The following KATNIP variants were observed in gnomAD, a reference collection of about 807,000 sequenced individuals.
KATNIP encodes the protein katanin interacting protein.
KATNIP carries 126 observed loss-of-function variants against 174.0 expected under a neutral mutation model. That is an observed-to-expected ratio of 0.72 (90% CI 0.63 to 0.84). KATNIP has a LOEUF of 0.84. Among genes scored for constraint, KATNIP ranks in the 40% least tolerant of loss-of-function variants. KATNIP has a pLI of 0.00. For missense variants in KATNIP, 1,958 were observed against 2,109.7 expected, an observed-to-expected ratio of 0.93 and a Z score of 1.41; for synonymous variants, 810 against 835.7, an observed-to-expected ratio of 0.97 and a Z score of 0.53.
rs189033239 is a variant in KATNIP at position 27,646,708 on chromosome 16, A to C, written c.409-1896A>C. 9.5e-4 allele frequency among the ~76,000 whole-genome samples: 144 copies of C among 152,356 alleles called. 1 individual carries two copies. Among genetic ancestry groups the C allele is most frequent in the African/African-American group, 2.5e-3 (105 of 41,586 alleles). ...GTAGGGAACCTTGCGTGCCAGGTAC[A>C]TCAGTTAAGGTACAGGTTTGGCTGC... On this transcript the variant is annotated intron_variant, in intron 5 of 27. Transcript: ENST00000261588.
At chr16:27,634,801 A>G (rs918875695) in intron 5 of KATNIP, among the ~76,000 whole-genome samples, 2 of 152,214 alleles carry the variant, frequency 1.3e-5, no homozygotes, top group African/African-American at 4.8e-5. Context: ...TAACCATAAT[A>G]GGTCCATTGC....
At chr16:27,726,560 A>G (rs2080460050) in intron 14 of KATNIP, among the ~76,000 whole-genome samples, 1 of 152,204 alleles carries the variant, frequency 6.6e-6, no homozygotes, top group African/African-American at 2.4e-5. Context: ...TACAGTGGTG[A>G]ACAAATAGAC....
chr16:27,671,842 A>T (rs1167251641), intron 6 of KATNIP, among the ~76,000 whole-genome samples: 1 of 152,086 alleles, frequency 6.6e-6, no homozygotes, highest in African/African-American at 2.4e-5. Context: ...GATCACCTGA[A>T]GTCGGGAGTT....
chr16:27,655,914 G>A (rs1438791280), intron 6 of KATNIP, among the ~76,000 whole-genome samples: 1 of 152,138 alleles, frequency 6.6e-6, no homozygotes, highest in African/African-American at 2.4e-5. Flanking sequence ...TTATACCCAG[G>A]AGCAAGGTAT....
chr16:27,611,551 G>A (rs35049517), intron 2 of KATNIP, among the ~76,000 whole-genome samples: 1,840 of 152,326 alleles, frequency 0.012, 19 homozygotes, highest in Middle Eastern at 0.034. Flanking sequence ...GCACTCAGGC[G>A]AAACTCTGTC....
At chr16:27,601,553 T>A (rs1259877312) in intron 2 of KATNIP, among the ~76,000 whole-genome samples, 2 of 151,920 alleles carry the variant, frequency 1.3e-5, no homozygotes, top group Non-Finnish European at 2.9e-5. Flanking sequence ...TGAGCTCGAG[T>A]GATCCTCCTG....
chr16:27,773,250 A>G (rs1266328470), intron 23 of KATNIP, 41 bp downstream of exon 23: 14 of 1,390,766 alleles, frequency 1.0e-5, no homozygotes, highest in Non-Finnish European at 1.2e-5. Flanking sequence ...CCCAGACTGA[A>G]GGGAGCATGG....
At chr16:27,699,693 G>A (rs1473599478) in intron 10 of KATNIP, 94 bp downstream of exon 10, 8 of 1,532,140 alleles carry the variant, frequency 5.2e-6, no homozygotes, top group Non-Finnish European at 7.1e-6. Flanking sequence ...CCCTATGCAT[G>A]TGCATAGCAC....
At chr16:27,655,542 G>A (rs770960492) in intron 6 of KATNIP, among the ~76,000 whole-genome samples, 5 of 151,842 alleles carry the variant, frequency 3.3e-5, no homozygotes, top group Non-Finnish European at 7.4e-5. Context: ...GAGCCGCTGC[G>A]CCTGGCCAGA....
At chr16:27,618,630 A>G in intron 3 of KATNIP, 129 bp downstream of exon 3, 1 of 634,926 alleles carries the variant, frequency 1.6e-6, no homozygotes, top group Non-Finnish European at 2.8e-6. Flanking sequence ...TCAGAGGCTT[A>G]GAATATTATC....
rs202031923 is a variant in KATNIP, at chr16:27,778,552, C to T, written c.4802-22C>T. On this transcript the variant is annotated intron_variant, in intron 27 of 27. Transcript: ENST00000261588. ...GGTTTGAGACTTAGTAACTCTGGTC[C>T]CTCTGTTCCCTGTCATGACAGCCTT... 2.5e-6 allele frequency: 4 copies of T among 1,612,404 alleles called. No individual in the cohort carries two copies. The South Asian group carries it at 3.3e-5, about 13-fold the overall frequency.
chr16:27,552,907 T>C (rs2089451715), intron 1 of KATNIP, among the ~76,000 whole-genome samples: 1 of 152,098 alleles, frequency 6.6e-6, no homozygotes, highest in Non-Finnish European at 1.5e-5. Context: ...TTGGTCAGGC[T>C]GGTCTCAAAC....
At chr16:27,699,728 T>C in intron 10 of KATNIP, 129 bp downstream of exon 10, 1 of 1,232,954 alleles carries the variant, frequency 8.1e-7, no homozygotes, top group Non-Finnish European at 1.1e-6. Flanking sequence ...GGCGCTTTCC[T>C]TCACACTGTC....
chr16:27,600,548 T>G (rs1171874852), intron 2 of KATNIP, among the ~76,000 whole-genome samples: 1 of 152,046 alleles, frequency 6.6e-6, no homozygotes, highest in Admixed American at 6.5e-5. Context: ...TCCTGGAGTC[T>G]CCTGGCATCT....
Position 27,768,482 on chromosome 16 carries a change from G to A in KATNIP, c.3976-1379G>A, listed in dbSNP as rs568572291. 5.9e-5 allele frequency among the ~76,000 whole-genome samples: 9 copies of A among 152,220 alleles called. No homozygotes were observed. In the East Asian group the frequency reaches 1.2e-3, roughly 20 times the overall value. ...GCCATCACTGAATCTACTTTTGGGC[G>A]ACTCTGTCCAGGGCACACTCTGGCA... On this transcript the variant is annotated intron_variant, in intron 20 of 27. Coordinates refer to ENST00000261588, the MANE Select transcript of KATNIP (RefSeq NM_015202.5).
At chr16:27,618,314 C>A in intron 2 of KATNIP, 111 bp from the exon 3 acceptor site, 2 of 810,036 alleles carry the variant, frequency 2.5e-6, no homozygotes, top group Non-Finnish European at 4.2e-6. Flanking sequence ...GGGCCTTCGT[C>A]AAGGTCAGCC....
intron 6 of KATNIP, among the ~76,000 whole-genome samples, chr16:27,650,095 C>T (rs1450138970): frequency 6.6e-6 from 1 of 151,976 alleles, no homozygotes; most frequent in Non-Finnish European, 1.5e-5. Context: ...ACCTCTTGAA[C>T]CCGGGAGGCA....
At chr16:27,660,629 A>G (rs1409900467) in intron 6 of KATNIP, among the ~76,000 whole-genome samples, 1 of 127,000 alleles carries the variant, frequency 7.9e-6, no homozygotes, top group Non-Finnish European at 1.6e-5. Context: ...TCTGGCTCAT[A>G]TCAGTACTTT....
intron 3 of KATNIP, among the ~76,000 whole-genome samples, chr16:27,619,945 A>C (rs983881780): frequency 2.0e-5 from 3 of 152,120 alleles, no homozygotes; most frequent in Admixed American, 2.0e-4. Flanking sequence ...GGATGTTTTT[A>C]TTCAATCTCT....
Sources: gnomAD v4.1 joint callset for allele counts (sites outside exome capture counted in the v4.1 genomes callset) on GRCh38, gnomAD v4.1.1 for gene constraint, MANE v1.5 for transcripts, NCBI Gene and HGNC (gene_info 2026-07-23, HGNC 2026-07-21) for gene names.